Variants in PLCXD3 observed in about 807,000 individuals in gnomAD.
PLCXD3 encodes the protein PI-PLC X domain-containing protein 3.
In PLCXD3, 19 loss-of-function variants were observed where a neutral mutation model predicts 25.5. The ratio of observed to expected loss-of-function variants is 0.75; its 90% confidence interval spans 0.52 to 1.09. PLCXD3 has a LOEUF of 1.09. Among genes scored for constraint, PLCXD3 ranks in the 50% least tolerant of loss-of-function variants. The pLI is 0.00. For synonymous variants in PLCXD3, 174 were observed against 137.6 expected (o/e 1.26, Z -1.85); for missense variants, 411 against 388.1 (o/e 1.06, Z -0.50).
rs558483162 is a variant in PLCXD3 at position 41,475,087 on chromosome 5, T to A, written c.103+35337A>T. On this transcript the variant is annotated intron_variant, in intron 1 of 2. Coordinates refer to ENST00000377801, the MANE Select transcript of PLCXD3 (RefSeq NM_001005473.3). ...AAGGTGCTGTAGGTGGGGCAAAAAA[T>A]TCCCTCAAACCCTGAAATAGTAACA... Among the ~76,000 whole-genome samples the A allele has an allele frequency of 5.9e-5, 9 of 152,218 alleles. No individual in the cohort carries two copies. In the East Asian group the frequency reaches 7.7e-4, roughly 13 times the overall value.
At chr5:41,492,899 T>C (rs1036503741) in intron 1 of PLCXD3, among the ~76,000 whole-genome samples, 5 of 152,214 alleles carry the variant, frequency 3.3e-5, no homozygotes, top group Non-Finnish European at 5.9e-5. Context: ...CTCAGAGTAG[T>C]TTGATCATCT....
At chr5:41,424,251 T>C (rs1033009291) in intron 1 of PLCXD3, among the ~76,000 whole-genome samples, 2 of 152,152 alleles carry the variant, frequency 1.3e-5, no homozygotes, top group Non-Finnish European at 2.9e-5. Context: ...CATAAAAGGT[T>C]GTGAATTTCT....
At chr5:41,347,147 C>T (rs1406398924) in intron 2 of PLCXD3, among the ~76,000 whole-genome samples, 1 of 152,096 alleles carries the variant, frequency 6.6e-6, no homozygotes, top group Non-Finnish European at 1.5e-5. Context: ...TTCTGTTGCT[C>T]CATATTTGGT....
intron 1 of PLCXD3, among the ~76,000 whole-genome samples, chr5:41,481,901 A>C (rs1264572227): frequency 6.6e-6 from 1 of 152,192 alleles, no homozygotes; most frequent in East Asian, 1.9e-4. Context: ...CCCTACCAAA[A>C]TCAAAGACTG....
Position 41,410,435 on chromosome 5 carries a change from G to A in PLCXD3, c.104-27901C>T, listed in dbSNP as rs191936599. 1.9e-3 allele frequency among the ~76,000 whole-genome samples: 292 copies of A among 152,076 alleles called. 3 individuals carry two copies. The highest frequency in any genetic ancestry group is 5.4e-3 in the South Asian group (26 of 4,812). ...TGGGATTACAGGTGTGAGCCGCTGT[G>A]CCCGTCCCCCGCCCCCCAGCTCCTT... is the stretch of plus-strand genomic sequence containing the variant. On this transcript the variant is annotated intron_variant, in intron 1 of 2. Coordinates refer to ENST00000377801, the MANE Select transcript of PLCXD3 (RefSeq NM_001005473.3).
At chr5:41,412,955 A>G (rs1334194617) in intron 1 of PLCXD3, among the ~76,000 whole-genome samples, 2 of 152,352 alleles carry the variant, frequency 1.3e-5, no homozygotes, top group South Asian at 2.1e-4. Context: ...TTTGCATTCT[A>G]TATTCCTACT....
chr5:41,329,286 G>A (rs897514799), intron 2 of PLCXD3, among the ~76,000 whole-genome samples: 4 of 152,184 alleles, frequency 2.6e-5, no homozygotes, highest in African/African-American at 9.6e-5. Flanking sequence ...ACACTAGTCA[G>A]AATTGTAATC....
Position 41,308,684 on chromosome 5 carries a change from T to C in PLCXD3, c.*4933A>G, listed in dbSNP as rs973187680. On this transcript the variant is annotated 3_prime_UTR_variant, in exon 3 of 3. Coordinates refer to ENST00000377801, the MANE Select transcript of PLCXD3 (RefSeq NM_001005473.3). The stretch of plus-strand genomic sequence containing the variant: ...AAAGCTCTCCTAACACCAAGGCAGT[T>C]CATCTTACTTGGGAAGATTGAATTT... The C allele has an allele frequency of 2.0e-5, 3 of 152,142 alleles. No individual in the cohort carries two copies. The highest frequency in any genetic ancestry group is 7.2e-5 in the African/African-American group (3 of 41,438). The allele number at this position is 152,142 out of a possible 1,614,324, so 9.4% of individuals were successfully genotyped here.
chr5:41,421,103 A>C (rs2150506043), intron 1 of PLCXD3, among the ~76,000 whole-genome samples: 1 of 152,348 alleles, frequency 6.6e-6, no homozygotes, highest in South Asian at 2.1e-4. Flanking sequence ...CTGGTAACAT[A>C]AAAATGGAAA....
intron 2 of PLCXD3, among the ~76,000 whole-genome samples, chr5:41,343,122 A>G (rs1210841012): frequency 6.6e-6 from 1 of 152,144 alleles, no homozygotes; most frequent in Non-Finnish European, 1.5e-5. Flanking sequence ...AACTTCGCAC[A>G]AGCATAGGAT....
At chr5:41,447,709 A>T (rs775135141) in intron 1 of PLCXD3, among the ~76,000 whole-genome samples, 1 of 152,234 alleles carries the variant, frequency 6.6e-6, no homozygotes, top group Non-Finnish European at 1.5e-5. Context: ...GGAGGAAGCC[A>T]TTACAGCTAT....
chr5:41,390,659 A>G (rs1745783824), intron 1 of PLCXD3, among the ~76,000 whole-genome samples: 1 of 152,314 alleles, frequency 6.6e-6, no homozygotes, highest in South Asian at 2.1e-4. Context: ...AGGGTGGAAT[A>G]GAAGGCTCCA....
At chr5:41,456,024 T>C (rs141163343) in intron 1 of PLCXD3, among the ~76,000 whole-genome samples, 12 of 151,514 alleles carry the variant, frequency 7.9e-5, no homozygotes, top group African/African-American at 2.7e-4. Context: ...ATAGATGGAG[T>C]CTGGAGTAAA....
At chr5:41,328,229 G>A (rs1459182390) in intron 2 of PLCXD3, among the ~76,000 whole-genome samples, 1 of 152,122 alleles carries the variant, frequency 6.6e-6, no homozygotes, top group Admixed American at 6.6e-5. Flanking sequence ...GTAGAATGAT[G>A]AGAAGAGTGC....
At chr5:41,354,233 T>C (rs959818981) in intron 2 of PLCXD3, among the ~76,000 whole-genome samples, 2 of 152,206 alleles carry the variant, frequency 1.3e-5, no homozygotes, top group African/African-American at 4.8e-5. Context: ...GACTTCTCTC[T>C]GGATGCTAGA....
chr5:41,314,708 G>A (rs1011841209), intron 2 of PLCXD3, among the ~76,000 whole-genome samples: 39 of 152,184 alleles, frequency 2.6e-4, no homozygotes, highest in African/African-American at 8.9e-4. Context: ...GAAAAGAAGA[G>A]AGTAGTAAAA....
chr5:41,336,310 T>A (rs1304153381), intron 2 of PLCXD3, among the ~76,000 whole-genome samples: 1 of 152,128 alleles, frequency 6.6e-6, no homozygotes, highest in Non-Finnish European at 1.5e-5. Context: ...AAGTCACTTA[T>A]GTAAGAGAAT....
chr5:41,392,064 T>C (rs1035745249), intron 1 of PLCXD3, among the ~76,000 whole-genome samples: 7 of 152,012 alleles, frequency 4.6e-5, no homozygotes, highest in African/African-American at 1.4e-4. Flanking sequence ...ACCTATAAGG[T>C]TTTTGATTCT....
At chr5:41,445,751 G>A (rs1747479430) in intron 1 of PLCXD3, among the ~76,000 whole-genome samples, 1 of 152,100 alleles carries the variant, frequency 6.6e-6, no homozygotes, top group Non-Finnish European at 1.5e-5. Flanking sequence ...TGCTTCTGTT[G>A]CCTGTGCTTT....
Sources: allele counts gnomAD v4.1 joint callset (sites outside exome capture counted in the v4.1 genomes callset), GRCh38; gene constraint gnomAD v4.1.1; transcripts MANE v1.5; gene names NCBI Gene and HGNC (gene_info 2026-07-23, HGNC 2026-07-21).